The following AFG2A variants were observed in gnomAD, a reference collection of about 807,000 sequenced individuals.
AFG2A encodes the protein AAA ATPase AFG2A.
chr4:123,062,783 A>G, the AFG2A span, among the ~76,000 whole-genome samples: 1 of 152,226 alleles, frequency 6.6e-6, no homozygotes, highest in Admixed American at 6.5e-5. Context: ...AGCTTCATAT[A>G]TGTGATTGCC....
At chr4:123,243,768 G>A in the AFG2A span, among the ~76,000 whole-genome samples, 2 of 151,778 alleles carry the variant, frequency 1.3e-5, no homozygotes, top group African/African-American at 4.8e-5. Context: ...CAGGTGTGGT[G>A]GTTCACACCT....
the AFG2A span, among the ~76,000 whole-genome samples, chr4:123,172,659 C>G: frequency 2.0e-5 from 3 of 152,192 alleles, no homozygotes; most frequent in African/African-American, 2.4e-5. Flanking sequence ...ATTTAGTTCA[C>G]TGTTACTTAA....
At chr4:122,959,186 AT>A in the AFG2A span, among the ~76,000 whole-genome samples, 1 of 152,176 alleles carries the variant, frequency 6.6e-6, no homozygotes, top group Non-Finnish European at 1.5e-5. Flanking sequence ...TCTCTAACTG[AT>A]TTAAATAACT....
the AFG2A span, among the ~76,000 whole-genome samples, chr4:123,007,666 C>CATAT: frequency 5.5e-5 from 7 of 126,282 alleles, no homozygotes; most frequent in South Asian, 1.1e-3. Flanking sequence ...CACACACACA[C>CATAT]ATATATGGAC....
At chr4:123,000,094 G>A in the AFG2A span, among the ~76,000 whole-genome samples, 1 of 149,602 alleles carries the variant, frequency 6.7e-6, no homozygotes, top group East Asian at 2.0e-4. Context: ...CTCATGATTT[G>A]GCTCTCTGTT....
At chr4:123,035,808 C>T in the AFG2A span, among the ~76,000 whole-genome samples, 1 of 151,456 alleles carries the variant, frequency 6.6e-6, no homozygotes, top group Non-Finnish European at 1.5e-5. Context: ...TATAACAAAA[C>T]CTTTAGCATT....
chr4:122,944,809 T>C, the AFG2A span, among the ~76,000 whole-genome samples: 1 of 152,038 alleles, frequency 6.6e-6, no homozygotes, highest in African/African-American at 2.4e-5. Flanking sequence ...TACAGGTGGG[T>C]TTTTGGTGTG....
the AFG2A span, among the ~76,000 whole-genome samples, chr4:123,095,933 A>G: frequency 6.6e-6 from 1 of 152,132 alleles, no homozygotes; most frequent in Non-Finnish European, 1.5e-5. Context: ...TATGTTACCC[A>G]TGTGTTGTGC....
chr4:122,992,089 A>G, the AFG2A span, among the ~76,000 whole-genome samples: 1 of 152,244 alleles, frequency 6.6e-6, no homozygotes, highest in South Asian at 2.1e-4. Flanking sequence ...CAGAACATAC[A>G]GTAACATTTT....
the AFG2A span, chr4:123,090,604 G>A: frequency 1.1e-5 from 17 of 1,613,930 alleles, no homozygotes; most frequent in East Asian, 6.7e-5. Context: ...GAATGTAGCC[G>A]ATCGTGTTTT....
At chr4:122,937,650 G>A in the AFG2A span, among the ~76,000 whole-genome samples, 50 of 152,200 alleles carry the variant, frequency 3.3e-4, no homozygotes, top group African/African-American at 1.2e-3. Context: ...GTTCATGGCA[G>A]TTGAGATTTC....
At chr4:123,183,969 C>CATTCATTT in the AFG2A span, among the ~76,000 whole-genome samples, 9 of 151,090 alleles carry the variant, frequency 6.0e-5, no homozygotes, top group African/African-American at 2.2e-4. Flanking sequence ...TTCATTCATT[C>CATTCATTT]ATTTATGGTA....
chr4:122,936,269 G>C, the AFG2A span: 1 of 565,698 alleles, frequency 1.8e-6, no homozygotes, highest in Non-Finnish European at 2.9e-6. Context: ...TATAGTGATA[G>C]TGGTAGAAGT....
chr4:123,148,730 T>C, the AFG2A span, among the ~76,000 whole-genome samples: 15 of 151,882 alleles, frequency 9.9e-5, no homozygotes, highest in South Asian at 2.1e-4. Context: ...ATTTGCAACA[T>C]GATAGAATTG....
chr4:123,313,961 G>C, the AFG2A span: 1 of 1,613,160 alleles, frequency 6.2e-7, no homozygotes, highest in East Asian at 2.2e-5. Context: ...ATCATGAAAA[G>C]ACATTTCACT....
the AFG2A span, among the ~76,000 whole-genome samples, chr4:123,197,153 C>T: frequency 6.6e-6 from 1 of 152,178 alleles, no homozygotes; most frequent in Non-Finnish European, 1.5e-5. Flanking sequence ...GAGCCAAATT[C>T]ATTTAGCATA....
the AFG2A span, among the ~76,000 whole-genome samples, chr4:123,141,862 GCCTTTTTACTCA>G: frequency 1.3e-5 from 2 of 152,068 alleles, no homozygotes; most frequent in African/African-American, 4.8e-5. Flanking sequence ...TCTGTGGGTT[GCCTTTTTACTCA>G]CTTGCCACTT....
the AFG2A span, among the ~76,000 whole-genome samples, chr4:123,089,526 A>G: frequency 6.6e-6 from 1 of 152,142 alleles, no homozygotes; most frequent in African/African-American, 2.4e-5. Context: ...ATTATTTTGC[A>G]CATTTTGACT....
chr4:123,078,854 G>T, the AFG2A span, among the ~76,000 whole-genome samples: 1 of 152,126 alleles, frequency 6.6e-6, no homozygotes, highest in South Asian at 2.1e-4. Context: ...GAAAAACATA[G>T]AGATGAGACA....
Sources: allele counts gnomAD v4.1 joint callset (sites outside exome capture counted in the v4.1 genomes callset), GRCh38; gene constraint gnomAD v4.1.1; transcripts MANE v1.5; gene names NCBI Gene and HGNC (gene_info 2026-07-23, HGNC 2026-07-21).